The following SOX5 variants were observed in gnomAD, a reference collection of about 807,000 sequenced individuals.
SOX5 encodes SRY-box transcription factor 5.
SOX5 carries 9 observed loss-of-function variants against 92.0 expected under a neutral mutation model. The ratio of observed to expected loss-of-function variants is 0.10; its 90% CI spans 0.06 to 0.17. The LOEUF (loss-of-function observed/expected upper bound fraction) is 0.17, where lower values mean the gene tolerates loss of function less well. Ranked by LOEUF, SOX5 falls within the 10% of genes least tolerant of loss-of-function variation. The pLI is 1.00. For synonymous variants in SOX5, 344 were observed against 336.3 expected (o/e 1.02, Z -0.25); for missense variants, 642 against 944.5 (o/e 0.68, Z 4.20).
chr12:24,360,093 T>C (rs770180184), intron 2 of SOX5, among the ~76,000 whole-genome samples: 1 of 152,210 alleles, frequency 6.6e-6, no homozygotes, highest in Non-Finnish European at 1.5e-5. Flanking sequence ...CAGCCTTTGG[T>C]AAAGTTACTT....
chr12:24,122,818 G>A (rs1216397555), intron 4 of SOX5, among the ~76,000 whole-genome samples: 1 of 152,144 alleles, frequency 6.6e-6, no homozygotes, highest in African/African-American at 2.4e-5. Context: ...AAGTGAATTA[G>A]AGGTCAGCAG....
intron 1 of SOX5, among the ~76,000 whole-genome samples, chr12:24,379,802 A>C (rs1396924035): frequency 6.7e-6 from 1 of 148,716 alleles, no homozygotes; most frequent in Non-Finnish European, 1.5e-5. Context: ...CTTATTTCTT[A>C]AACTTCCTCA....
chr12:23,738,089 C>T (rs2093667391), intron 5 of SOX5, among the ~76,000 whole-genome samples: 1 of 152,170 alleles, frequency 6.6e-6, no homozygotes. Context: ...CTAACTAGAA[C>T]AAAACCTGGC....
chr12:24,388,150 C>T (rs1484082714), intron 1 of SOX5, among the ~76,000 whole-genome samples: 1 of 152,048 alleles, frequency 6.6e-6, no homozygotes, highest in Non-Finnish European at 1.5e-5. Context: ...TTTGTCAGAC[C>T]CTCTTTCCAG....
chr12:23,887,849 C>T (rs994248755), intron 2 of SOX5, among the ~76,000 whole-genome samples: 13 of 149,892 alleles, frequency 8.7e-5, no homozygotes, highest in Non-Finnish European at 1.5e-4. Context: ...ATCTTTATGG[C>T]AAAAACAAAA....
At chr12:23,730,579 A>G (rs755166001) in intron 6 of SOX5, among the ~76,000 whole-genome samples, 20 of 152,220 alleles carry the variant, frequency 1.3e-4, no homozygotes, top group Non-Finnish European at 2.6e-4. Flanking sequence ...GAAGACTGTA[A>G]CCCTACAAAG....
chr12:23,635,370 G>A (rs1566570924), intron 8 of SOX5, among the ~76,000 whole-genome samples: 1 of 152,154 alleles, frequency 6.6e-6, no homozygotes, highest in East Asian at 1.9e-4. Flanking sequence ...ATCAGAAAGG[G>A]ACATGGATGA....
chr12:23,685,157 A>C (rs1054898188), intron 6 of SOX5, among the ~76,000 whole-genome samples: 1 of 152,102 alleles, frequency 6.6e-6, no homozygotes, highest in East Asian at 1.9e-4. Context: ...AGTGACAGAA[A>C]ATAGGCAACC....
intron 2 of SOX5, among the ~76,000 whole-genome samples, chr12:24,306,927 TA>T (rs1445742320): frequency 6.6e-6 from 1 of 152,140 alleles, no homozygotes; most frequent in Non-Finnish European, 1.5e-5. Flanking sequence ...CCAAATTATA[TA>T]ATGTCCATCA....
chr12:23,712,926 T>C (rs1206205775), intron 6 of SOX5, among the ~76,000 whole-genome samples: 1 of 152,180 alleles, frequency 6.6e-6, no homozygotes, highest in African/African-American at 2.4e-5. Context: ...AAGGTATAAA[T>C]AATTTTAATA....
intron 4 of SOX5, among the ~76,000 whole-genome samples, chr12:24,145,582 A>T (rs943123528): frequency 2.6e-5 from 4 of 152,150 alleles, no homozygotes; most frequent in Admixed American, 2.6e-4. Context: ...CTGCAGCCTC[A>T]ACCTCCCAGG....
intron 4 of SOX5, among the ~76,000 whole-genome samples, chr12:24,075,471 C>T (rs556840301): frequency 1.1e-4 from 17 of 151,536 alleles, no homozygotes; most frequent in Admixed American, 3.9e-4. Flanking sequence ...TTATCTGGAC[C>T]GTAGGAAAAA....
chr12:24,021,521 C>T (rs1276184218), intron 4 of SOX5, among the ~76,000 whole-genome samples: 3 of 152,186 alleles, frequency 2.0e-5, no homozygotes, highest in Non-Finnish European at 4.4e-5. Flanking sequence ...AGGACCATCA[C>T]AACATCGTCT....
intron 2 of SOX5, among the ~76,000 whole-genome samples, chr12:24,288,600 T>C (rs919130492): frequency 1.3e-5 from 2 of 152,128 alleles, no homozygotes; most frequent in Non-Finnish European, 2.9e-5. Flanking sequence ...ATAAGAGTGT[T>C]AAAAATAAAG....
At chr12:24,392,308 G>A (rs1047124926) in intron 1 of SOX5, among the ~76,000 whole-genome samples, 6 of 152,028 alleles carry the variant, frequency 3.9e-5, no homozygotes, top group Non-Finnish European at 8.8e-5. Flanking sequence ...GTCACTCTCC[G>A]ACTTACAATG....
chr12:24,305,334 G>T (rs1469127492), intron 2 of SOX5, among the ~76,000 whole-genome samples: 2 of 152,140 alleles, frequency 1.3e-5, no homozygotes, highest in African/African-American at 4.8e-5. Context: ...CCTTAGAACT[G>T]CACCCAATAT....
chr12:24,040,655 G>A (rs1197901637), intron 4 of SOX5, among the ~76,000 whole-genome samples: 2 of 152,146 alleles, frequency 1.3e-5, no homozygotes, highest in African/African-American at 2.4e-5. Flanking sequence ...GGTGGATCAC[G>A]AGGTCAGGAG....
At chr12:24,052,218 TAAAC>T (rs915092130) in intron 4 of SOX5, among the ~76,000 whole-genome samples, 48 of 152,254 alleles carry the variant, frequency 3.2e-4, no homozygotes, top group African/African-American at 1.2e-3. Flanking sequence ...GAATCAAACT[TAAAC>T]AGGAATGAGA....
At chr12:24,319,156 C>A (rs541137300) in intron 2 of SOX5, among the ~76,000 whole-genome samples, 1 of 152,170 alleles carries the variant, frequency 6.6e-6, no homozygotes, top group Non-Finnish European at 1.5e-5. Flanking sequence ...ATTCCTTTCA[C>A]CCCTCCCTTG....
Sources: gnomAD v4.1 joint callset for allele counts (sites outside exome capture counted in the v4.1 genomes callset) on GRCh38, gnomAD v4.1.1 for gene constraint, MANE v1.5 for transcripts, NCBI Gene and HGNC (gene_info 2026-07-23, HGNC 2026-07-21) for gene names.